MAP4K2: variants seen among roughly 807,000 people sequenced by gnomAD.
MAP4K2 encodes the protein mitogen-activated protein kinase kinase kinase kinase 2.
In MAP4K2, 85 loss-of-function variants were observed where a neutral mutation model predicts 125.3. That is an observed-to-expected ratio of 0.68 (90% CI 0.57 to 0.81). The LOEUF is 0.81. MAP4K2 is among the 40% of genes least tolerant of loss of function. MAP4K2 has a pLI of 0.00. For missense variants in MAP4K2, 923 were observed against 1,056.4 expected (o/e 0.87, Z 1.75); for synonymous variants, 479 against 445.1 (o/e 1.08, Z -0.96).
At chr11:64,800,665 C>T (rs1941107095) in intron 10 of MAP4K2, 99 bp downstream of exon 10, 9 of 1,487,834 alleles carry the variant, frequency 6.0e-6, no homozygotes, top group Non-Finnish European at 6.4e-6. Flanking sequence ...CCAGAAAGGA[C>T]AGGGCTCTTG....
At chr11:64,799,523 G>A (rs1209626835) in intron 13 of MAP4K2, 44 bp from the exon 14 acceptor site, 2 of 1,612,354 alleles carry the variant, frequency 1.2e-6, no homozygotes, top group East Asian at 4.5e-5. Context: ...GGAGTCTCAG[G>A]ATGGACCTCT....
Position 64,800,120 on chromosome 11 carries a change from A to G in MAP4K2, c.904T>C (p.Cys302Arg). Residue 302 changes from cysteine to arginine, a missense_variant, in exon 12 of 32, where the codon TGT (cysteine) becomes CGT (arginine). Cys to Arg is a radical substitution (Grantham distance 180). Coordinates refer to ENST00000294066, the MANE Select transcript of MAP4K2 (RefSeq NM_004579.5). The part of the protein sequence containing the change: ...PHLGTPSPED[C>R]ELETYDMFPD... ...CCCCCCTCACCTACCTCCAGCTCAC[A>G]GTCCTCAGGGGAGGGGGTCCCCAGA... 6.2e-7 allele frequency: 1 copy of G among 1,607,554 alleles called. No homozygotes were observed. The highest frequency in any genetic ancestry group is 8.5e-7 in the Non-Finnish European group (1 of 1,177,422).
rs1941204892 is a variant in MAP4K2 at position 64,801,930 on chromosome 11, C to T, written c.366+136G>A. The T allele has an allele frequency of 1.7e-5, 20 of 1,151,390 alleles. No individual in the cohort carries two copies. The South Asian group carries it at 2.8e-4, about 16-fold the overall frequency. 71.3% of individuals were successfully genotyped at this position (1,151,390 alleles called of 1,614,324 possible). On this transcript the variant is annotated intron_variant, in intron 5 of 31. Transcript: ENST00000294066. ...CTGCTTCCGGCAACAGGGCTGGGGCCCCTTTTCCCCAGGACCTACAGCCCC... is the reference window on the plus strand; with the variant it reads ...CTGCTTCCGGCAACAGGGCTGGGGCTCCTTTTCCCCAGGACCTACAGCCCC...
In MAP4K2 at chr11:64,789,473, C is replaced by A; in HGVS notation, c.*64G>T. The A allele has an allele frequency of 6.8e-7, 1 of 1,461,114 alleles. No homozygotes were observed. Among genetic ancestry groups the A allele is most frequent in the South Asian group, 1.2e-5 (1 of 82,068 alleles). The allele number at this position is 1,461,114 out of a possible 1,614,324, so 90.5% of individuals were successfully genotyped here. A position where few individuals can be genotyped will look rare whatever the true frequency, so the allele number is the denominator to read the frequency against. ...CTCTGGTCTAGGATGGGCCCCTTTG[C>A]CCAAAAGGGCCTGCAGCTAAGGCGT... On this transcript the variant is annotated 3_prime_UTR_variant, in exon 32 of 32. Coordinates refer to ENST00000294066, the MANE Select transcript of MAP4K2 (RefSeq NM_004579.5).
At position 64,790,219 on chromosome 11, in the gene MAP4K2, C is replaced by T. The variant is rs1940393858; in HGVS notation, c.2217G>A (p.Glu739=). 6.2e-7 allele frequency: 1 copy of T among 1,614,096 alleles called. No homozygotes were observed. Among genetic ancestry groups the T allele is most frequent in the Non-Finnish European group, 8.5e-7 (1 of 1,180,034 alleles). Reference sequence around the variant, plus strand: ...TCTCGATGGGGAAATCAAAGGTCAGCTCAGGTGCCAGTGTGGCCGTGGGCT... The same window carrying T: ...TCTCGATGGGGAAATCAAAGGTCAGTTCAGGTGCCAGTGTGGCCGTGGGCT... ...QGEPTATLAP[E]LTFDFPIETV... The change falls in exon 29 of 32, where the codon GAG becomes GAA. Residue 739 remains glutamate (E), a synonymous_variant. Transcript: ENST00000294066.
chr11:64,794,565 G>C (rs1940680794), intron 24 of MAP4K2, among the ~76,000 whole-genome samples: 1 of 152,068 alleles, frequency 6.6e-6, no homozygotes, highest in African/African-American at 2.4e-5. Context: ...TCGCCATGTT[G>C]ACCAGGCTGG....
At chr11:64,799,576 C>G in intron 13 of MAP4K2, 29 bp downstream of exon 13, 1 of 707,560 alleles carries the variant, frequency 1.4e-6, no homozygotes, top group Non-Finnish European at 2.0e-6. Context: ...CCAAAATCTG[C>G]ACACACACAG....
At chr11:64,797,083 C>G (rs1432031768) in intron 19 of MAP4K2, 21 bp downstream of exon 19, 1 of 1,614,144 alleles carries the variant, frequency 6.2e-7, no homozygotes, top group South Asian at 1.1e-5. Flanking sequence ...GTCTCCCCAC[C>G]CCACTGTAGC....
chr11:64,798,646 G>A, intron 15 of MAP4K2, 148 bp downstream of exon 15: 1 of 756,564 alleles, frequency 1.3e-6, no homozygotes, highest in East Asian at 2.8e-5. Context: ...TGTTGGCAAA[G>A]CTGGTCTTGA....
chr11:64,802,088 T>C lies in MAP4K2; in HGVS notation c.344A>G (p.Tyr115Cys). 1.9e-6 allele frequency: 3 copies of C among 1,612,770 alleles called. No homozygotes were observed. The highest frequency in any genetic ancestry group is 2.5e-6 in the Non-Finnish European group (3 of 1,179,906). ...TGPLEERQIA[Y>C]VCREALKGLH... ...TACCTTCAGTGCCTCTCGGCAGACG[T>C]AGGCAATCTGCCGCTCCTCCAGGGG... is the stretch of plus-strand genomic sequence containing the variant. Residue 115 changes from tyrosine to cysteine, a missense_variant, in exon 5 of 32, where the codon TAC (tyrosine) becomes TGC (cysteine). This residue lies in a region of MAP4K2 where 833 missense variants were observed against 911.4 expected (regional missense o/e 0.91). Coordinates refer to ENST00000294066, the MANE Select transcript of MAP4K2 (RefSeq NM_004579.5).
rs752234436 is a variant in MAP4K2, at chr11:64,786,466, A to T, written c.*3071T>A. Reference sequence around the variant, plus strand: ...AGCAGGTGCTGGACATGCCACAGGGAACACGGCAGATCCTCCGCCGTCCCG... The same window carrying T: ...AGCAGGTGCTGGACATGCCACAGGGTACACGGCAGATCCTCCGCCGTCCCG... On this transcript the variant is annotated 3_prime_UTR_variant, in exon 32 of 32. Transcript: ENST00000294066. 1.4e-4 allele frequency: 22 copies of T among 152,188 alleles called. No individual in the cohort carries two copies. The highest frequency in any genetic ancestry group is 3.2e-4 in the Non-Finnish European group (22 of 68,054). The allele number at this position is 152,188 out of a possible 1,614,324, so 9.4% of individuals were successfully genotyped here. A position where few individuals can be genotyped will look rare whatever the true frequency, so the allele number is the denominator to read the frequency against.
chr11:64,802,273 G>T, intron 4 of MAP4K2, 146 bp downstream of exon 4: 1 of 1,084,552 alleles, frequency 9.2e-7, no homozygotes, highest in African/African-American at 1.6e-5. Flanking sequence ...TGAACCCAGA[G>T]ATGGACAGTA....
chr11:64,791,413 ACT>A, intron 27 of MAP4K2, among the ~76,000 whole-genome samples: 1 of 151,962 alleles, frequency 6.6e-6, no homozygotes, highest in East Asian at 1.9e-4. Flanking sequence ...ATAGGGTCTC[ACT>A]CTGTCACCCA....
chr11:64,791,787 A>AG, intron 27 of MAP4K2, 122 bp downstream of exon 27: 1 of 1,078,428 alleles, frequency 9.3e-7, no homozygotes, highest in East Asian at 2.7e-5. Flanking sequence ...GCAGCCCTCA[A>AG]GGTCTCTGTG....
chr11:64,791,831 C>T, intron 27 of MAP4K2, 78 bp downstream of exon 27: 2 of 1,415,940 alleles, frequency 1.4e-6, no homozygotes, highest in Non-Finnish European at 1.9e-6. Flanking sequence ...AGTTTGGGAG[C>T]CTTGGCCCTC....
chr11:64,785,446 G>T lies in MAP4K2; in HGVS notation c.*4091C>A, dbSNP rs1940181742. On this transcript the variant is annotated 3_prime_UTR_variant, in exon 32 of 32. Transcript: ENST00000294066. ...GCAACTGCAAAGTGGCAATTCCAGAGTTCTGTGCAGGACGCTGCAGTGATT... is the reference window on the plus strand; with the variant it reads ...GCAACTGCAAAGTGGCAATTCCAGATTTCTGTGCAGGACGCTGCAGTGATT... 6.6e-6 allele frequency: 1 copy of T among 152,220 alleles called. No individual in the cohort carries two copies. The highest frequency in any genetic ancestry group is 6.5e-5 in the Admixed American group (1 of 15,286). 9.4% of individuals were successfully genotyped at this position (152,220 alleles called of 1,614,324 possible). A position where few individuals can be genotyped will look rare whatever the true frequency, so the allele number is the denominator to read the frequency against.
In MAP4K2 at chr11:64,798,888, G is replaced by T. The variant is rs1439613863; in HGVS notation, c.1054-51C>A. The T allele has an allele frequency of 3.4e-6, 5 of 1,465,988 alleles. No individual in the cohort carries two copies. The Admixed American group carries it at 1.0e-4, about 30-fold the overall frequency. 90.8% of individuals were successfully genotyped at this position (1,465,988 alleles called of 1,614,324 possible). ...GGGAAGAAGCAGAGACAGATGCAAC[G>T]TGAGAGGGCGCTCAAGAGATTCAGG... On this transcript the variant is annotated intron_variant, in intron 14 of 31. Coordinates refer to ENST00000294066, the MANE Select transcript of MAP4K2 (RefSeq NM_004579.5).
At chr11:64,797,235 C>A in intron 18 of MAP4K2, 40 bp downstream of exon 18, 1 of 1,604,366 alleles carries the variant, frequency 6.2e-7, no homozygotes, top group Non-Finnish European at 8.5e-7. Context: ...GTAGCCCCCA[C>A]CCTGGGGCTG....
chr11:64,802,791 C>T, intron 2 of MAP4K2, 94 bp downstream of exon 2: 1 of 1,492,928 alleles, frequency 6.7e-7, no homozygotes, highest in Non-Finnish European at 9.1e-7. Flanking sequence ...GCACGCCTCT[C>T]AGGGGTCTCG....
Sources: gnomAD v4.1 joint callset for allele counts (sites outside exome capture counted in the v4.1 genomes callset) on GRCh38, gnomAD v4.1.1 for gene constraint, gnomAD v4.1.1 regional missense constraint, MANE v1.5 for transcripts, NCBI Gene and HGNC (gene_info 2026-07-23, HGNC 2026-07-21) for gene names.